The following CHGA variants were observed in gnomAD, a reference collection of about 807,000 sequenced individuals.
CHGA encodes the protein chromogranin A, also known as chromogranin-A.
Under a neutral mutation model 54.4 loss-of-function variants are expected in CHGA, and 41 were observed. The observed-to-expected ratio is 0.75, with a 90% CI of 0.59 to 0.98. The LOEUF (loss-of-function observed/expected upper bound fraction) is 0.98, where lower values mean the gene tolerates loss of function less well. CHGA is among the 50% of genes least tolerant of loss of function. The pLI is 0.00. For missense variants in CHGA, 576 were observed against 582.3 expected, an observed-to-expected ratio of 0.99 and a Z score of 0.11; for synonymous variants, 249 against 232.8, an observed-to-expected ratio of 1.07 and a Z score of -0.63.
At chr14:92,927,232 T>C (rs1886903606) in intron 3 of CHGA, among the ~76,000 whole-genome samples, 1 of 152,166 alleles carries the variant, frequency 6.6e-6, no homozygotes, top group Non-Finnish European at 1.5e-5. Flanking sequence ...CCAGGTGTGG[T>C]AGACAGTGTG....
Position 92,923,419 on chromosome 14 carries a change from G to A in CHGA, c.46+14G>A. The A allele has an allele frequency of 7.9e-7, 1 of 1,258,122 alleles. No individual in the cohort carries two copies. Among genetic ancestry groups the A allele is most frequent in the Non-Finnish European group, 1.0e-6 (1 of 1,002,112 alleles). 77.9% of individuals were successfully genotyped at this position (1,258,122 alleles called of 1,614,324 possible). ...GCGCCGGGCAAGGTGAGCGAGCGCGGGGAGCTCGCGGGAGAGGGTTCCGGG... is the reference window on the plus strand; with the variant it reads ...GCGCCGGGCAAGGTGAGCGAGCGCGAGGAGCTCGCGGGAGAGGGTTCCGGG... On this transcript the variant is annotated intron_variant, in intron 1 of 7. Transcript: ENST00000216492.
At chr14:92,923,989 G>A (rs1185982639) in intron 1 of CHGA, among the ~76,000 whole-genome samples, 2 of 152,222 alleles carry the variant, frequency 1.3e-5, no homozygotes, top group Non-Finnish European at 2.9e-5. Context: ...AAAGGGGGAG[G>A]GGGAGGACCT....
Position 92,932,557 on chromosome 14 carries a change from C to T in CHGA, c.996C>T (p.Leu332=). Reference sequence around the variant, plus strand: ...AGCTGGAGCAGGAGGAGGAGCGGCTCTCCAAGGAGTGGGAGGACTCCAAAC... The same window carrying T: ...AGCTGGAGCAGGAGGAGGAGCGGCTTTCCAAGGAGTGGGAGGACTCCAAAC... ...SGELEQEEER[L]SKEWEDSKRW... is the part of the protein sequence containing the mutation. The change falls in exon 7 of 8, where the codon CTC becomes CTT. Residue 332 remains leucine (L), a synonymous_variant. Transcript: ENST00000216492. The surrounding 1 kb of genome is among the most constrained non-coding windows in gnomAD (Gnocchi z 5.3). 2 of 1,557,022 alleles carry T rather than the reference C, an allele frequency of 1.3e-6. No individual in the cohort carries two copies.
At position 92,935,034 on chromosome 14, in the gene CHGA, A is replaced by G. The variant is rs1887095713; in HGVS notation, c.*150A>G. On this transcript the variant is annotated 3_prime_UTR_variant, in exon 8 of 8. Coordinates refer to ENST00000216492, the MANE Select transcript of CHGA (RefSeq NM_001275.4). ...AGCCCAGGCCACCCTATCGCCCCCT[A>G]CGCGCCTTGTCTCCTACTCCTGACT... The G allele has an allele frequency of 3.3e-6, 2 of 603,466 alleles. No individual in the cohort carries two copies. Among genetic ancestry groups the G allele is most frequent in the East Asian group, 3.2e-5 (1 of 31,256 alleles). The allele number at this position is 603,466 out of a possible 1,614,324, so 37.4% of individuals were successfully genotyped here.
At chr14:92,924,368 C>G in intron 2 of CHGA, 123 bp downstream of exon 2, 1 of 893,022 alleles carries the variant, frequency 1.1e-6, no homozygotes, top group Non-Finnish European at 1.7e-6. Flanking sequence ...GCTGCTGAGC[C>G]TGGGGACAGC....
At chr14:92,924,084 G>T in intron 1 of CHGA, 115 bp from the exon 2 acceptor site, 1 of 1,166,384 alleles carries the variant, frequency 8.6e-7, no homozygotes, top group East Asian at 2.5e-5. Flanking sequence ...TCTTTTTGGT[G>T]GGGGCAGTTT....
chr14:92,932,842 C>T lies in CHGA; in HGVS notation c.1281C>T (p.Arg427=). The T allele has an allele frequency of 1.3e-6, 2 of 1,496,340 alleles. No individual in the cohort carries two copies. Among genetic ancestry groups the T allele is most frequent in the Non-Finnish European group, 1.8e-6 (2 of 1,120,330 alleles). The allele number at this position is 1,496,340 out of a possible 1,614,324, so 92.7% of individuals were successfully genotyped here. A position where few individuals can be genotyped will look rare whatever the true frequency, so the allele number is the denominator to read the frequency against. ...EKKEEEGSAN[R]RPEDQELESL... is the part of the protein sequence containing the mutation. ...AAGAGGAGGAGGGCAGCGCAAACCGCAGACCAGAGGTTGGTATGGGGCGGG... is the reference window on the plus strand; with the variant it reads ...AAGAGGAGGAGGGCAGCGCAAACCGTAGACCAGAGGTTGGTATGGGGCGGG... The change falls in exon 7 of 8, where the codon CGC becomes CGT. Residue 427 remains arginine, a synonymous_variant. Transcript: ENST00000216492. The surrounding 1 kb of genome is among the most constrained non-coding windows in gnomAD (Gnocchi z 5.3).
rs773524320 is a variant in CHGA at position 92,927,628 on chromosome 14, A to G, written c.256+10A>G. The G allele has an allele frequency of 1.2e-6, 2 of 1,609,816 alleles. No homozygotes were observed. Among genetic ancestry groups the G allele is most frequent in the Non-Finnish European group, 1.7e-6 (2 of 1,177,232 alleles). ...GACCTCGCTCTCCAAGGTATTTTCC[A>G]GCCACTGCACTTGACTCTGGGTAAA... On this transcript the variant is annotated intron_variant, in intron 4 of 7. Transcript: ENST00000216492.
rs534157810 is a variant in CHGA at position 92,934,874 on chromosome 14, G to A, written c.1364G>A (p.Arg455Gln). 18 of 1,569,008 alleles carry A rather than the reference G, an allele frequency of 1.1e-5. No homozygotes were observed. Among genetic ancestry groups the A allele is most frequent in the African/African-American group, 9.5e-5 (7 of 73,566 alleles). The change falls in exon 8 of 8, where the codon CGG becomes CAG. Residue 455 changes from arginine (R) to glutamine (Q), a missense_variant. Coordinates refer to ENST00000216492, the MANE Select transcript of CHGA (RefSeq NM_001275.4). ...GTGGCCCACCAGCTGCAGGCACTACGGCGGGGCTGAGACACCGGCTGGCAG... is the reference window on the plus strand; with the variant it reads ...GTGGCCCACCAGCTGCAGGCACTACAGCGGGGCTGAGACACCGGCTGGCAG... The part of the protein sequence containing the change: ...EKVAHQLQAL[R>Q]RG
At chr14:92,933,125 GGGT>G (rs1887048519) in intron 7 of CHGA, 3 of 392,712 alleles carry the variant, frequency 7.6e-6, no homozygotes, top group African/African-American at 6.0e-5. Context: ...GAAGGCAGTA[GGGT>G]GCCCTGGAAA....
In CHGA at chr14:92,934,820, TG is replaced by T; in HGVS notation, c.1311del (p.Ser438ArgfsTer97). The T allele has an allele frequency of 2.5e-6, 4 of 1,586,340 alleles. No individual in the cohort carries two copies. Among genetic ancestry groups the T allele is most frequent in the Non-Finnish European group, 3.4e-6 (4 of 1,167,424 alleles). ...RRPEDQELESLSAIEAELEKV... is the reference protein window; with the variant it reads ...RRPEDQELESXSAIEAELEKV... ...TCCTAGGACCAGGAGCTGGAGAGCCTGTCGGCCATTGAAGCAGAGCTGGAGA... is the reference window on the plus strand; with the variant it reads ...TCCTAGGACCAGGAGCTGGAGAGCCTTCGGCCATTGAAGCAGAGCTGGAGA... On this transcript the variant is annotated frameshift_variant, in exon 8 of 8. Coordinates refer to ENST00000216492, the MANE Select transcript of CHGA (RefSeq NM_001275.4). LOFTEE classifies it high-confidence loss of function.
At chr14:92,929,532 TGA>T (rs1016426293) in intron 4 of CHGA, among the ~76,000 whole-genome samples, 183 bp from the exon 5 acceptor site, 7 of 152,202 alleles carry the variant, frequency 4.6e-5, no homozygotes, top group African/African-American at 1.7e-4. Flanking sequence ...AGGGCCCAGC[TGA>T]GAGAGGTGAG....
In CHGA at chr14:92,931,652, T is replaced by C. The variant is rs1413896973; in HGVS notation, c.758T>C (p.Val253Ala). ...AVPEEEGPTV[V>A]LNPHPSLGYK... ...CCCGAGGAAGAAGGCCCCACTGTAG[T>C]GCTGAACCCCCACCCGAGCCTTGGC... Residue 253 changes from valine to alanine, a missense_variant, in exon 6 of 8, where the codon GTG (valine) becomes GCG (alanine). Physicochemically the swap from Val to Ala is moderately conservative, Grantham distance 64. Coordinates refer to ENST00000216492, the MANE Select transcript of CHGA (RefSeq NM_001275.4). 1 of 1,601,736 alleles carries C rather than the reference T, an allele frequency of 6.2e-7. No homozygotes were observed. The highest frequency in any genetic ancestry group is 1.7e-4 in the Middle Eastern group (1 of 6,010).
chr14:92,924,055 C>A, intron 1 of CHGA, 144 bp from the exon 2 acceptor site: 2 of 934,452 alleles, frequency 2.1e-6, no homozygotes, highest in Non-Finnish European at 3.3e-6. Flanking sequence ...GGAAGGGAAA[C>A]AAAATCAGCC....
At chr14:92,934,215 A>G (rs1387099043) in intron 7 of CHGA, among the ~76,000 whole-genome samples, 2 of 152,222 alleles carry the variant, frequency 1.3e-5, no homozygotes, top group Non-Finnish European at 2.9e-5. Context: ...AGACGGGCAT[A>G]GAACAGGGCT....
In CHGA at chr14:92,926,587, C is replaced by T. The variant is rs746809505; in HGVS notation, c.94-18C>T. 1.9e-6 allele frequency: 3 copies of T among 1,612,426 alleles called. No homozygotes were observed. In the Admixed American group the frequency reaches 5.0e-5, roughly 27 times the overall value. ...ATGCTCAAACCAGCCCCAACCTGCC[C>T]CTGCACTGTGTTCCCAGGTGATGAA... On this transcript the variant is annotated intron_variant, in intron 2 of 7. Transcript: ENST00000216492.
chr14:92,930,535 CAA>C (rs954668851), intron 5 of CHGA, among the ~76,000 whole-genome samples: 4 of 152,194 alleles, frequency 2.6e-5, no homozygotes, highest in Non-Finnish European at 4.4e-5. Context: ...TGTGTCAGTG[CAA>C]AGAGATCCCG....
Position 92,924,226 on chromosome 14 carries a change from T to A in CHGA, c.74T>A (p.Met25Lys), listed in dbSNP as rs1228303728. ...QVTALPVNSP[M>K]NKGDTEVMKC... ...ACTGCGCTCCCTGTGAACAGCCCTA[T>A]GAATAAAGGGGATACCGAGGTAAGA... The change falls in exon 2 of 8, where the codon ATG becomes AAG. Residue 25 changes from methionine (M) to lysine (K), a missense_variant. Met to Lys is a moderately conservative substitution (Grantham distance 95). Transcript: ENST00000216492. 6.2e-7 allele frequency: 1 copy of A among 1,612,420 alleles called. No individual in the cohort carries two copies. The highest frequency in any genetic ancestry group is 1.3e-5 in the African/African-American group (1 of 74,970).
In CHGA at chr14:92,932,107, G is replaced by A. The variant is rs1566675185; in HGVS notation, c.809-263G>A. 9 of 466,902 alleles carry A rather than the reference G, an allele frequency of 1.9e-5. No individual in the cohort carries two copies. Among genetic ancestry groups the A allele is most frequent in the East Asian group, 3.8e-5 (1 of 26,310 alleles). The allele number at this position is 466,902 out of a possible 1,614,324, so 28.9% of individuals were successfully genotyped here. A position where few individuals can be genotyped will look rare whatever the true frequency, so the allele number is the denominator to read the frequency against. On this transcript the variant is annotated intron_variant, in intron 6 of 7. Transcript: ENST00000216492. The surrounding 1 kb of genome is among the most constrained non-coding windows in gnomAD (Gnocchi z 5.3). ...TAGGAGAGGCCCTGGCTCCCGCTGC[G>A]GGCCTGTCAGGGTCTTTCCTCACTC...
Sources: gnomAD v4.1 joint callset for allele counts (sites outside exome capture counted in the v4.1 genomes callset) on GRCh38, gnomAD v4.1.1 for gene constraint, Gnocchi (gnomAD v3.1) non-coding constraint, MANE v1.5 for transcripts, NCBI Gene and HGNC (gene_info 2026-07-23, HGNC 2026-07-21) for gene names.